Variants in CCDC83 observed in about 807,000 individuals in gnomAD.
The protein encoded by CCDC83 is coiled-coil domain containing 83, also known as coiled-coil domain-containing protein 83.
Under a neutral mutation model 50.1 loss-of-function variants are expected in CCDC83, and 54 were observed. That is an observed-to-expected ratio of 1.08 (90% CI 0.87 to 1.35). CCDC83 has a LOEUF of 1.35. Among genes scored for constraint, CCDC83 ranks in the 40% most tolerant of loss-of-function variants. The pLI is 0.00. For synonymous variants in CCDC83, 161 were observed against 153.3 expected (o/e 1.05, Z -0.37); for missense variants, 518 against 473.9 (o/e 1.09, Z -0.86).
At chr11:85,915,878 A>G in intron 9 of CCDC83, 150 bp from the exon 10 acceptor site, 1 of 622,828 alleles carries the variant, frequency 1.6e-6, no homozygotes, top group Non-Finnish European at 2.8e-6. Flanking sequence ...AGTTTCTACA[A>G]ATGGGACTCC....
chr11:85,883,156 G>C (rs1226487390), intron 4 of CCDC83, among the ~76,000 whole-genome samples: 1 of 152,078 alleles, frequency 6.6e-6, no homozygotes, highest in Non-Finnish European at 1.5e-5. Context: ...GGGCTCAAGG[G>C]ATAGTCCCAC....
intron 3 of CCDC83, among the ~76,000 whole-genome samples, chr11:85,876,018 G>T (rs982465546): frequency 6.6e-6 from 1 of 152,034 alleles, no homozygotes; most frequent in Non-Finnish European, 1.5e-5. Flanking sequence ...ACTCTTTTTA[G>T]TCCTTTCTTT....
At chr11:85,906,301 A>G (rs1333463970) in intron 7 of CCDC83, among the ~76,000 whole-genome samples, 4 of 152,068 alleles carry the variant, frequency 2.6e-5, no homozygotes, top group Non-Finnish European at 5.9e-5. Context: ...TCCCGACCTC[A>G]GGTGATCCAC....
At chr11:85,908,616 T>A (rs187990872) in intron 7 of CCDC83, among the ~76,000 whole-genome samples, 20 of 145,144 alleles carry the variant, frequency 1.4e-4, no homozygotes, top group East Asian at 2.0e-4. Context: ...GATAGACAGA[T>A]AGAATTCATG....
chr11:85,865,043 G>C, intron 1 of CCDC83, 53 bp from the exon 2 acceptor site: 1 of 887,878 alleles, frequency 1.1e-6, no homozygotes. Flanking sequence ...GTAAACAAAA[G>C]TAGGGAGGCA....
rs776106187 is a variant in CCDC83, at chr11:85,882,652, G to A, written c.320G>A (p.Arg107Lys). 2 of 1,613,708 alleles carry A rather than the reference G, an allele frequency of 1.2e-6. No individual in the cohort carries two copies. Among genetic ancestry groups the A allele is most frequent in the Non-Finnish European group, 8.5e-7 (1 of 1,179,830 alleles). Residue 107 changes from arginine to lysine, a missense_variant, in exon 4 of 11, where the codon AGA becomes AAA. Transcript: ENST00000342404. ...EAMKEKWKFE[R>K]DQEKNLRDMR... ...ATGAAGGAAAAATGGAAGTTTGAAAGAGACCAGGAAAAAAACTTGAGAGGT... is the reference window on the plus strand; with the variant it reads ...ATGAAGGAAAAATGGAAGTTTGAAAAAGACCAGGAAAAAAACTTGAGAGGT...
At chr11:85,909,081 A>T (rs1015036068) in intron 7 of CCDC83, among the ~76,000 whole-genome samples, 5 of 152,150 alleles carry the variant, frequency 3.3e-5, no homozygotes, top group Non-Finnish European at 5.9e-5. Flanking sequence ...CTACAGGTGC[A>T]CACCACTACG....
Position 85,913,177 on chromosome 11 carries a change from G to A in CCDC83, c.794+1775G>A, listed in dbSNP as rs143459958. Among the ~76,000 whole-genome samples the A allele has an allele frequency of 3.9e-3, 591 of 152,218 alleles. 2 individuals carry two copies. The highest frequency in any genetic ancestry group is 5.2e-3 in the Non-Finnish European group (356 of 68,008). ...GAAATGAAGTCAAAATATTTTCAAG[G>A]GAAAAGAAACACCATGGGTGACATT... On this transcript the variant is annotated intron_variant, in intron 8 of 10. Transcript: ENST00000342404.
chr11:85,876,923 T>G (rs999231829), intron 3 of CCDC83, among the ~76,000 whole-genome samples: 2 of 152,244 alleles, frequency 1.3e-5, no homozygotes, highest in Non-Finnish European at 2.9e-5. Flanking sequence ...TTTTCCATTT[T>G]TATAATGTGA....
At chr11:85,919,314 C>A (rs201412694) in intron 10 of CCDC83, 35 bp from the exon 11 acceptor site, 23 of 1,550,048 alleles carry the variant, frequency 1.5e-5, no homozygotes, top group Non-Finnish European at 1.8e-5. Context: ...TGCTGAATCA[C>A]CTCTCCTATT....
At position 85,908,588 on chromosome 11, in the gene CCDC83, TAGATAGATAGATAGATAGATAGAC is replaced by T. The variant is rs1308479574; in HGVS notation, c.673-2685_673-2662del. 2.2e-3 allele frequency among the ~76,000 whole-genome samples: 331 copies of T among 148,556 alleles called. 1 individual carries two copies. The highest frequency in any genetic ancestry group is 5.9e-3 in the African/African-American group (236 of 40,048). ...ATAGATAGATAGATAGATAGATAGA[TAGATAGATAGATAGATAGATAGAC>T]AGATAGAATTCATGGCCGGGTGGCT... On this transcript the variant is annotated intron_variant, in intron 7 of 10. Transcript: ENST00000342404.
chr11:85,912,755 A>C, intron 8 of CCDC83: 1 of 1,474,300 alleles, frequency 6.8e-7, no homozygotes, highest in East Asian at 2.3e-5. Flanking sequence ...TGTGGCTTCT[A>C]ACTACCTACT....
rs765369870 is a variant in CCDC83 at position 85,885,744 on chromosome 11, A to T, written c.344-456A>T. On this transcript the variant is annotated intron_variant, in intron 4 of 10. Coordinates refer to ENST00000342404, the MANE Select transcript of CCDC83 (RefSeq NM_001286159.2). ...TGAACTTTAGATGACTGAATCAAACAATTTACTTACAAAAATGGTTGCCAA... is the reference window on the plus strand; with the variant it reads ...TGAACTTTAGATGACTGAATCAAACTATTTACTTACAAAAATGGTTGCCAA... Among the ~76,000 whole-genome samples, 8 of 152,364 alleles carry T rather than the reference A, an allele frequency of 5.3e-5. No homozygotes were observed. In the South Asian group the frequency reaches 1.7e-3, roughly 32 times the overall value.
At chr11:85,860,301 C>CAAAAA (rs56657675) in intron 1 of CCDC83, among the ~76,000 whole-genome samples, 3 of 55,864 alleles carry the variant, frequency 5.4e-5, no homozygotes, top group East Asian at 5.1e-4. Flanking sequence ...GACTCCGTCT[C>CAAAAA]AAAAAAAAAA....
intron 4 of CCDC83, among the ~76,000 whole-genome samples, chr11:85,882,969 G>C (rs2093308906): frequency 6.6e-6 from 1 of 152,122 alleles, no homozygotes; most frequent in South Asian, 2.1e-4. Flanking sequence ...CCAGGCTGGA[G>C]TGCAGTGGTG....
At chr11:85,886,431 G>T in intron 5 of CCDC83, 64 bp downstream of exon 5, 2 of 1,348,004 alleles carry the variant, frequency 1.5e-6, no homozygotes, top group Non-Finnish European at 9.9e-7. Flanking sequence ...ATACATTGAT[G>T]GAAGAAAAAA....
At chr11:85,908,610 GACAGATAGAA>G (rs1416756602) in intron 7 of CCDC83, among the ~76,000 whole-genome samples, 4 of 133,112 alleles carry the variant, frequency 3.0e-5, no homozygotes, top group Non-Finnish European at 6.5e-5. Flanking sequence ...TAGATAGATA[GACAGATAGAA>G]TTCATGGCCG....
chr11:85,919,598 T>C lies in CCDC83; in HGVS notation c.*88T>C, dbSNP rs1199733714. ...ATCCGTTGCCCATTTTACTTACACT[T>C]TGGCTCATTTTTAAACCAGCTGTTA... On this transcript the variant is annotated 3_prime_UTR_variant, in exon 11 of 11. Coordinates refer to ENST00000342404, the MANE Select transcript of CCDC83 (RefSeq NM_001286159.2). The C allele has an allele frequency of 3.2e-6, 3 of 923,086 alleles. No homozygotes were observed. The highest frequency in any genetic ancestry group is 3.3e-6 in the Non-Finnish European group (2 of 601,392). The allele number at this position is 923,086 out of a possible 1,614,324, so 57.2% of individuals were successfully genotyped here. A position where few individuals can be genotyped will look rare whatever the true frequency, so the allele number is the denominator to read the frequency against.
intron 3 of CCDC83, among the ~76,000 whole-genome samples, chr11:85,877,257 G>A (rs568072881): frequency 3.3e-5 from 5 of 152,292 alleles, no homozygotes; most frequent in Admixed American, 2.6e-4. Flanking sequence ...ATCGCTTGAG[G>A]CCAGGTGTTT....
Sources: allele counts gnomAD v4.1 joint callset (sites outside exome capture counted in the v4.1 genomes callset), GRCh38; gene constraint gnomAD v4.1.1; transcripts MANE v1.5; gene names NCBI Gene and HGNC (gene_info 2026-07-23, HGNC 2026-07-21).